Variants in COLEC12 observed in about 807,000 individuals in gnomAD.
COLEC12 encodes collectin-12.
A neutral mutation model predicts 71.1 loss-of-function variants in COLEC12; 33 were observed. The ratio of observed to expected loss-of-function variants is 0.46; its 90% CI spans 0.35 to 0.62. The LOEUF (loss-of-function observed/expected upper bound fraction) is 0.62, where lower values mean the gene tolerates loss of function less well. Among genes scored for constraint, COLEC12 ranks in the 20% least tolerant of loss-of-function variants. COLEC12 has a pLI of 0.00. For synonymous variants in COLEC12, 350 were observed against 353.0 expected, an observed-to-expected ratio of 0.99 and a Z score of 0.10; for missense variants, 765 against 916.1, an observed-to-expected ratio of 0.84 and a Z score of 2.13.
Position 346,317 on chromosome 18 carries a change from G to A in COLEC12, c.1305C>T (p.Ile435=), listed in dbSNP as rs1914369516. The A allele has an allele frequency of 8.1e-6, 13 of 1,610,932 alleles. No homozygotes were observed. The East Asian group carries it at 2.9e-4, about 36-fold the overall frequency. ...TACCTTGTAGTATTGTAAAATTCTT[G>A]ATGAGCTGACCATGCTTGGAGTCTA... The part of the protein sequence containing the change: ...KLVDSKHGQL[I]KNFTILQGPP... The change falls in exon 5 of 10, where the codon ATC becomes ATT. Residue 435 remains isoleucine, a synonymous_variant. Coordinates refer to ENST00000400256, the MANE Select transcript of COLEC12 (RefSeq NM_130386.3). The surrounding 1 kb of genome is among the most constrained non-coding windows in gnomAD (Gnocchi z 4.0).
intron 2 of COLEC12, among the ~76,000 whole-genome samples, chr18:454,391 C>T (rs542526205): frequency 1.3e-5 from 2 of 152,174 alleles, no homozygotes; most frequent in Non-Finnish European, 2.9e-5. Flanking sequence ...TCTAACACAG[C>T]CACTCATCAG....
chr18:376,660 G>A (rs1267757472), intron 2 of COLEC12, among the ~76,000 whole-genome samples: 1 of 152,102 alleles, frequency 6.6e-6, no homozygotes, highest in African/African-American at 2.4e-5. Flanking sequence ...GGCCTAAATG[G>A]GGACACGAGT....
intron 2 of COLEC12, among the ~76,000 whole-genome samples, chr18:435,369 G>T (rs1916384095): frequency 6.6e-6 from 1 of 152,200 alleles, no homozygotes; most frequent in Non-Finnish European, 1.5e-5. Context: ...CTTCTTCAAA[G>T]GTGGCAGGAT....
At position 341,804 on chromosome 18, in the gene COLEC12, G is replaced by A. The variant is rs537150011; in HGVS notation, c.1327+4491C>T. ...GAGGCACTGAGAGGATGAGGAACTT[G>A]GTACATGAATCCAGCTCTGTCTGAT... is the stretch of plus-strand genomic sequence containing the variant. On this transcript the variant is annotated intron_variant, in intron 5 of 9. Transcript: ENST00000400256. 1.2e-4 allele frequency among the ~76,000 whole-genome samples: 19 copies of A among 152,204 alleles called. No homozygotes were observed. In the East Asian group the frequency reaches 3.5e-3, roughly 28 times the overall value.
intron 2 of COLEC12, among the ~76,000 whole-genome samples, chr18:454,199 T>C (rs1160241260): frequency 1.3e-5 from 2 of 152,208 alleles, no homozygotes; most frequent in African/African-American, 4.8e-5. Flanking sequence ...CGCCACTCTA[T>C]TGTAGCTACA....
intron 2 of COLEC12, among the ~76,000 whole-genome samples, chr18:458,728 A>G (rs529586582): frequency 5.3e-5 from 8 of 152,238 alleles, no homozygotes; most frequent in Admixed American, 5.2e-4. Context: ...TTCTGTCTCT[A>G]TATGATCACT....
At position 346,562 on chromosome 18, in the gene COLEC12, C is replaced by G; in HGVS notation, c.1060G>C (p.Ala354Pro). 1 of 1,614,206 alleles carries G rather than the reference C, an allele frequency of 6.2e-7. No homozygotes were observed. Among genetic ancestry groups the G allele is most frequent in the Non-Finnish European group, 8.5e-7 (1 of 1,180,032 alleles). Residue 354 changes from alanine (A) to proline (P), a missense_variant, in exon 5 of 10, where the codon GCC becomes CCC. Ala to Pro is a conservative substitution (Grantham distance 27). Transcript: ENST00000400256. The surrounding 1 kb of genome is among the most constrained non-coding windows in gnomAD (Gnocchi z 4.0). ...VNIISNISYT[A>P]HHLRTLTSNL... ...CTGGTCAGCGTCCGCAGGTGGTGGGCTGTGTAACTGATATTGCTAATGATG... is the reference window on the plus strand; with the variant it reads ...CTGGTCAGCGTCCGCAGGTGGTGGGGTGTGTAACTGATATTGCTAATGATG...
chr18:410,690 G>A (rs1474759197), intron 2 of COLEC12, among the ~76,000 whole-genome samples: 1 of 152,040 alleles, frequency 6.6e-6, no homozygotes, highest in African/African-American at 2.4e-5. Context: ...CTCCCAAAGT[G>A]CTGGGATTAC....
intron 2 of COLEC12, among the ~76,000 whole-genome samples, chr18:401,568 T>G (rs1915687220): frequency 6.6e-6 from 1 of 152,240 alleles, no homozygotes; most frequent in South Asian, 2.1e-4. Context: ...TCCTTAGTGC[T>G]CAGCGACTGC....
At chr18:473,495 C>CTGGGATTACA (rs60348948) in intron 2 of COLEC12, among the ~76,000 whole-genome samples, 111,292 of 151,306 alleles carry the variant, frequency 0.74, 41,401 homozygotes, top group South Asian at 0.84. Flanking sequence ...CCCCGAGAAG[C>CTGGGATTACA]TGGGATTACA....
chr18:368,465 T>C (rs1179363951), intron 2 of COLEC12, among the ~76,000 whole-genome samples: 1 of 151,990 alleles, frequency 6.6e-6, no homozygotes, highest in Non-Finnish European at 1.5e-5. Context: ...TCCCAGCTAC[T>C]TGGGTGGCTG....
intron 2 of COLEC12, among the ~76,000 whole-genome samples, chr18:358,087 G>A (rs1914666485): frequency 6.6e-6 from 1 of 152,206 alleles, no homozygotes; most frequent in Admixed American, 6.5e-5. Context: ...GATGATCTCA[G>A]GTGGAGCAGT....
chr18:422,402 G>C (rs1916115914), intron 2 of COLEC12, among the ~76,000 whole-genome samples: 1 of 152,036 alleles, frequency 6.6e-6, no homozygotes, highest in African/African-American at 2.4e-5. Flanking sequence ...TCAAATGTTT[G>C]AGTATAATTT....
At chr18:321,418 G>A (rs949993198) in intron 9 of COLEC12, among the ~76,000 whole-genome samples, 1 of 152,206 alleles carries the variant, frequency 6.6e-6, no homozygotes, top group Non-Finnish European at 1.5e-5. Context: ...AGTTAGTTTA[G>A]CATTCGTTGA....
At chr18:394,692 C>G (rs1915531821) in intron 2 of COLEC12, among the ~76,000 whole-genome samples, 1 of 152,214 alleles carries the variant, frequency 6.6e-6, no homozygotes, top group Admixed American at 6.5e-5. Context: ...AATATCTTCA[C>G]TTTATAAAAG....
intron 2 of COLEC12, among the ~76,000 whole-genome samples, chr18:396,219 TA>T (rs1915568346): frequency 6.6e-6 from 1 of 152,038 alleles, no homozygotes; most frequent in South Asian, 2.1e-4. Context: ...AGGTAATGAG[TA>T]AGAAGTACAG....
intron 2 of COLEC12, among the ~76,000 whole-genome samples, chr18:427,238 C>T (rs1257332997): frequency 6.6e-6 from 1 of 152,220 alleles, no homozygotes; most frequent in Non-Finnish European, 1.5e-5. Context: ...AGGCGAGCCA[C>T]TTAACCTTTC....
chr18:420,096 G>T (rs1427606528), intron 2 of COLEC12, among the ~76,000 whole-genome samples: 1 of 152,096 alleles, frequency 6.6e-6, no homozygotes, highest in Non-Finnish European at 1.5e-5. Flanking sequence ...CTGAGACCCT[G>T]GATTGTGGCG....
intron 2 of COLEC12, among the ~76,000 whole-genome samples, chr18:422,764 G>A (rs1319134103): frequency 6.6e-6 from 1 of 152,136 alleles, no homozygotes; most frequent in African/African-American, 2.4e-5. Context: ...AGTATGGGGC[G>A]AGTCCGGTTA....
Sources: gnomAD v4.1 joint callset for allele counts (sites outside exome capture counted in the v4.1 genomes callset) on GRCh38, gnomAD v4.1.1 for gene constraint, Gnocchi (gnomAD v3.1) non-coding constraint, MANE v1.5 for transcripts, NCBI Gene and HGNC (gene_info 2026-07-23, HGNC 2026-07-21) for gene names.